ARID1B: variants seen among roughly 807,000 people sequenced by gnomAD.
ARID1B encodes AT-rich interactive domain-containing protein 1B.
A neutral mutation model predicts 212.3 loss-of-function variants in ARID1B; 30 were observed. The observed-to-expected ratio is 0.14, with a 90% CI of 0.11 to 0.19. The LOEUF (loss-of-function observed/expected upper bound fraction) is 0.19. ARID1B is among the 10% of genes least tolerant of loss of function. ARID1B has a pLI of 1.00. For synonymous variants in ARID1B, 1,402 were observed against 1,301.7 expected, an observed-to-expected ratio of 1.08 and a Z score of -1.66; for missense variants, 2,891 against 3,204.0, an observed-to-expected ratio of 0.90 and a Z score of 2.36.
chr6:157,184,217 G>C lies in ARID1B; in HGVS notation c.3715-14G>C, dbSNP rs557560602. ...TTTGTTGCAAACCAATGATCCTGCC[G>C]TGTTTTTCACTAGGTTAATAAAAAC... On this transcript the variant is annotated splice_polypyrimidine_tract_variant and intron_variant, in intron 12 of 19. Coordinates refer to ENST00000636930, the MANE Select transcript of ARID1B (RefSeq NM_001374828.1). 1 of 1,593,036 alleles carries C rather than the reference G, an allele frequency of 6.3e-7. No individual in the cohort carries two copies. Among genetic ancestry groups the C allele is most frequent in the South Asian group, 1.1e-5 (1 of 88,846 alleles).
At chr6:157,070,648 G>A (rs1489544885) in intron 4 of ARID1B, among the ~76,000 whole-genome samples, 1 of 152,210 alleles carries the variant, frequency 6.6e-6, no homozygotes, top group Non-Finnish European at 1.5e-5. Context: ...GCATGCGGCA[G>A]TATCCCTTGC....
chr6:157,091,698 A>C (rs746967749), intron 5 of ARID1B, among the ~76,000 whole-genome samples: 2 of 152,190 alleles, frequency 1.3e-5, no homozygotes, highest in Non-Finnish European at 2.9e-5. Flanking sequence ...TTTCTCCTGG[A>C]GTTTTAGGTC....
intron 1 of ARID1B, among the ~76,000 whole-genome samples, chr6:156,815,189 A>G (rs574249763): frequency 1.3e-5 from 2 of 152,344 alleles, no homozygotes; most frequent in South Asian, 2.1e-4. Context: ...GACAAGTAGC[A>G]TGCCACTGTA....
At chr6:157,180,838 T>G in intron 11 of ARID1B, 131 bp from the exon 12 acceptor site, 1 of 695,204 alleles carries the variant, frequency 1.4e-6, no homozygotes, top group Non-Finnish European at 2.4e-6. Context: ...CATTCCTAAT[T>G]GTTGTGTGAT....
intron 3 of ARID1B, among the ~76,000 whole-genome samples, chr6:156,932,091 G>A (rs1237090620): frequency 7.6e-6 from 1 of 132,036 alleles, no homozygotes; most frequent in Non-Finnish European, 1.6e-5. Context: ...GCTACAGTGA[G>A]CTATGATTAG....
intron 4 of ARID1B, among the ~76,000 whole-genome samples, chr6:156,999,110 C>T (rs1778771257): frequency 1.3e-5 from 2 of 152,216 alleles, no homozygotes; most frequent in African/African-American, 4.8e-5. Flanking sequence ...GGCGGTGCTG[C>T]AGTCACACTA....
chr6:157,065,181 A>G (rs1411554396), intron 4 of ARID1B, among the ~76,000 whole-genome samples: 1 of 152,260 alleles, frequency 6.6e-6, no homozygotes, highest in Non-Finnish European at 1.5e-5. Context: ...CATGAAGAAT[A>G]TAAGTTAAAA....
At chr6:157,006,947 G>A (rs1419341159) in intron 4 of ARID1B, among the ~76,000 whole-genome samples, 2 of 152,176 alleles carry the variant, frequency 1.3e-5, no homozygotes, top group Non-Finnish European at 2.9e-5. Context: ...CTAGGCACAT[G>A]TGTGTACACA....
At chr6:156,975,544 C>T (rs865924030) in intron 4 of ARID1B, among the ~76,000 whole-genome samples, 6 of 150,756 alleles carry the variant, frequency 4.0e-5, no homozygotes, top group South Asian at 4.2e-4. Flanking sequence ...TGGTGCGAAA[C>T]TGCCTCATTT....
At position 157,189,801 on chromosome 6, in the gene ARID1B, G is replaced by A. The variant is rs1206465837; in HGVS notation, c.4058+21G>A. 3 of 1,612,744 alleles carry A rather than the reference G, an allele frequency of 1.9e-6. No homozygotes were observed. The South Asian group carries it at 3.3e-5, about 18-fold the overall frequency. ...GGAAGGTATGTTCAAATAACTCTGT[G>A]AGGCATACAAAGTCACATTTGTTCA... On this transcript the variant is annotated intron_variant, in intron 14 of 19. Transcript: ENST00000636930.
intron 4 of ARID1B, among the ~76,000 whole-genome samples, chr6:157,069,795 T>A (rs1175931579): frequency 6.6e-6 from 1 of 152,190 alleles, no homozygotes; most frequent in Admixed American, 6.5e-5. Flanking sequence ...TGGAAAGGAA[T>A]CCCGCAAACA....
chr6:157,013,552 C>T (rs1453608096), intron 4 of ARID1B, among the ~76,000 whole-genome samples: 3 of 152,208 alleles, frequency 2.0e-5, no homozygotes, highest in Non-Finnish European at 2.9e-5. Context: ...GATTAGTTAA[C>T]ACTGAAAACA....
intron 5 of ARID1B, among the ~76,000 whole-genome samples, chr6:157,085,945 ATTG>A (rs1784938443): frequency 6.6e-6 from 1 of 152,092 alleles, no homozygotes; most frequent in African/African-American, 2.4e-5. Flanking sequence ...TTTTTAAAAT[ATTG>A]TTCTTTTGGT....
chr6:157,201,279 C>T lies in ARID1B; in HGVS notation c.5054C>T (p.Ser1685Phe), dbSNP rs1277541274. The change falls in exon 18 of 20, where the codon TCC becomes TTC. Residue 1685 changes from serine (S) to phenylalanine (F), a missense_variant. By Grantham distance (155) the Ser-to-Phe change is radical. Around this residue, in one of 7 missense-constraint regions of ARID1B, gnomAD observed 666 missense variants for 873.5 expected, o/e 0.76. Coordinates refer to ENST00000636930, the MANE Select transcript of ARID1B (RefSeq NM_001374828.1). The surrounding 1 kb of genome is among the most constrained non-coding windows in gnomAD (Gnocchi z 5.2). ...RAPSPASFQR[S>F]LENRMSPSKS... is the part of the protein sequence containing the mutation. ...CCCAGCCCAGCGTCCTTCCAGCGCTCCCTGGAGAACCGCATGTCTCCAAGC... is the reference window on the plus strand; with the variant it reads ...CCCAGCCCAGCGTCCTTCCAGCGCTTCCTGGAGAACCGCATGTCTCCAAGC... 2 of 1,614,104 alleles carry T rather than the reference C, an allele frequency of 1.2e-6. No individual in the cohort carries two copies. The highest frequency in any genetic ancestry group is 1.7e-6 in the Non-Finnish European group (2 of 1,180,010).
Position 156,778,330 on chromosome 6 carries a change from T to C in ARID1B, c.650T>C (p.Ile217Thr), listed in dbSNP as rs776694458. ...QQQQQQQQHPISNNNSLGGAG... is the reference protein window; with the variant it reads ...QQQQQQQQHPTSNNNSLGGAG... ...CAGCAGCAGCAACAGCAACATCCCA[T>C]TTCCAACAACAACAGCTTGGGCGGC... The change falls in exon 1 of 20, where the codon ATT becomes ACT. Residue 217 changes from isoleucine (I) to threonine (T), a missense_variant. By Grantham distance (89) the Ile-to-Thr change is moderately conservative (BLOSUM62 -1). This residue lies in a region of ARID1B where 1,643 missense variants were observed against 1,544.0 expected (regional missense o/e 1.06). Transcript: ENST00000636930. 1.3e-6 allele frequency: 2 copies of C among 1,542,264 alleles called. No individual in the cohort carries two copies. Among genetic ancestry groups the C allele is most frequent in the Non-Finnish European group, 1.7e-6 (2 of 1,145,700 alleles).
In ARID1B at chr6:157,174,086, A is replaced by G. The variant is rs1791919218; in HGVS notation, c.3314A>G (p.Glu1105Gly). The change falls in exon 10 of 20, where the codon GAA becomes GGA. Residue 1105 changes from glutamate (E) to glycine (G), a missense_variant. By Grantham distance (98) the Glu-to-Gly change is moderately conservative (BLOSUM62 -2). Transcript: ENST00000636930. ...PLPLKADGKE[E>G]GTPQPESKSK... Reference sequence around the variant, plus strand: ...CCTCTCAAAGCAGACGGCAAAGAAGAAGGCACTCCACAGCCCGAGAGCAAG... The same window carrying G: ...CCTCTCAAAGCAGACGGCAAAGAAGGAGGCACTCCACAGCCCGAGAGCAAG... 4 of 1,614,034 alleles carry G rather than the reference A, an allele frequency of 2.5e-6. No homozygotes were observed. Among genetic ancestry groups the G allele is most frequent in the African/African-American group, 1.3e-5 (1 of 74,924 alleles).
chr6:157,054,676 T>C lies in ARID1B; in HGVS notation c.2248-29986T>C, dbSNP rs1396847475. ...AGGTTTGTGGAAATAGTTGTTCACA[T>C]TGAGCTGTGAAAGGCAAAAGAACCA... On this transcript the variant is annotated intron_variant, in intron 4 of 19. Transcript: ENST00000636930. Among the ~76,000 whole-genome samples, 7 of 152,278 alleles carry C rather than the reference T, an allele frequency of 4.6e-5. No individual in the cohort carries two copies. The South Asian group carries it at 8.3e-4, about 18-fold the overall frequency.
intron 4 of ARID1B, among the ~76,000 whole-genome samples, chr6:157,021,551 G>T (rs947196720): frequency 2.0e-5 from 3 of 152,196 alleles, no homozygotes; most frequent in African/African-American, 7.2e-5. Context: ...CGTGGGGGCG[G>T]GGACAGGGGG....
At chr6:156,793,077 T>C (rs947377814) in intron 1 of ARID1B, among the ~76,000 whole-genome samples, 74 of 152,318 alleles carry the variant, frequency 4.9e-4, no homozygotes, top group African/African-American at 1.8e-3. Flanking sequence ...ACAGCATCTT[T>C]ATGCCTACCT....
Sources: allele counts gnomAD v4.1 joint callset (sites outside exome capture counted in the v4.1 genomes callset), GRCh38; gene constraint gnomAD v4.1.1; regional missense constraint gnomAD v4.1.1; non-coding constraint Gnocchi (gnomAD v3.1); transcripts MANE v1.5; gene names NCBI Gene and HGNC (gene_info 2026-07-23, HGNC 2026-07-21).